The following CUX1 variants were observed in gnomAD, a reference collection of about 807,000 sequenced individuals.
CUX1 encodes the protein cut like homeobox 1, also known as protein CASP.
CUX1 carries 31 observed loss-of-function variants against 158.8 expected under a neutral mutation model. That is an observed-to-expected ratio of 0.20 (90% CI 0.15 to 0.26). The LOEUF is 0.26. CUX1 is among the 10% of genes least tolerant of loss of function. CUX1 has a pLI of 1.00. For synonymous variants in CUX1, 879 were observed against 862.1 expected (o/e 1.02, Z -0.34); for missense variants, 1,589 against 2,014.6 (o/e 0.79, Z 4.04).
intron 2 of CUX1, among the ~76,000 whole-genome samples, chr7:101,987,049 C>T (rs141142648): frequency 3.9e-5 from 6 of 152,300 alleles, no homozygotes; most frequent in South Asian, 2.1e-4. Flanking sequence ...CCTGTCCCAC[C>T]GTGCTTCCTC....
At chr7:102,238,384 A>C (rs890339191) in intron 22 of CUX1, among the ~76,000 whole-genome samples, 2 of 151,728 alleles carry the variant, frequency 1.3e-5, no homozygotes, top group African/African-American at 4.8e-5. Context: ...GAAGGCTCGC[A>C]CTCTTGTCTT....
At chr7:102,221,556 A>G (rs385417) in intron 20 of CUX1, among the ~76,000 whole-genome samples, 7 of 150,982 alleles carry the variant, frequency 4.6e-5, no homozygotes, top group South Asian at 2.1e-4. Context: ...CGGGTTTTCA[A>G]TTGGCTCCCA....
intron 2 of CUX1, among the ~76,000 whole-genome samples, chr7:101,979,107 A>G (rs1813090059): frequency 6.6e-6 from 1 of 152,192 alleles, no homozygotes. Context: ...AGAAGCAGAA[A>G]TCCTGGGCAA....
intron 11 of CUX1, among the ~76,000 whole-genome samples, chr7:102,180,356 G>A (rs1050547860): frequency 2.2e-5 from 3 of 137,142 alleles, no homozygotes; most frequent in Admixed American, 1.5e-4. Context: ...TCACTCACTG[G>A]CCCAGACTGG....
intron 20 of CUX1, among the ~76,000 whole-genome samples, chr7:102,209,623 G>T (rs1796334022): frequency 6.6e-6 from 1 of 152,012 alleles, no homozygotes; most frequent in African/African-American, 2.4e-5. Context: ...TATAAAGGGG[G>T]GTGTAGTTAT....
chr7:101,822,326 T>TA (rs1792744995), intron 1 of CUX1: 1 of 152,228 alleles, frequency 6.6e-6, no homozygotes, highest in East Asian at 1.9e-4. Context: ...TGAGGACAGC[T>TA]AAGGTTTGGT....
intron 8 of CUX1, among the ~76,000 whole-genome samples, chr7:102,124,227 C>G (rs1017691576): frequency 3.9e-5 from 6 of 152,140 alleles, no homozygotes; most frequent in Non-Finnish European, 5.9e-5. Flanking sequence ...ATGACACACC[C>G]CTTCCTGCAT....
Position 102,196,306 on chromosome 7 carries a change from G to A in CUX1, c.1223-328G>A, listed in dbSNP as rs184134326. 1.5e-3 allele frequency among the ~76,000 whole-genome samples: 222 copies of A among 152,288 alleles called. 1 individual carries two copies. Among genetic ancestry groups the A allele is most frequent in the Non-Finnish European group, 2.3e-3 (159 of 68,028 alleles). ...CCGGGGCCAGCGGGCCCAGTAAGAG[G>A]CCCGCGACCCGTCAACTCTTCCCTG... On this transcript the variant is annotated intron_variant, in intron 14 of 23. Transcript: ENST00000292535.
Position 102,000,623 on chromosome 7 carries a change from G to A in CUX1, c.142-27475G>A, listed in dbSNP as rs142032041. On this transcript the variant is annotated intron_variant, in intron 2 of 23. Transcript: ENST00000292535. ...GCACGTTGAAGCTGCAGCCCATTGT[G>A]CAGAATTGCTTAATGTGTACCTCAC... 4.9e-4 allele frequency among the ~76,000 whole-genome samples: 75 copies of A among 152,212 alleles called. 2 individuals carry two copies. The East Asian group carries it at 0.013, about 26-fold the overall frequency.
At chr7:101,856,949 C>T (rs529502789) in intron 1 of CUX1, among the ~76,000 whole-genome samples, 1 of 152,354 alleles carries the variant, frequency 6.6e-6, no homozygotes, top group Admixed American at 6.5e-5. Flanking sequence ...AGCCACGCCT[C>T]TGCTCAAGCT....
chr7:101,878,384 G>T (rs555443481), intron 1 of CUX1, among the ~76,000 whole-genome samples: 2 of 152,354 alleles, frequency 1.3e-5, no homozygotes, highest in East Asian at 3.9e-4. Context: ...GCAACAGGCT[G>T]CAGCTTAGCT....
chr7:101,991,135 C>T (rs1460466625), intron 2 of CUX1, among the ~76,000 whole-genome samples: 5 of 152,130 alleles, frequency 3.3e-5, no homozygotes, highest in African/African-American at 1.2e-4. Flanking sequence ...GGAACGCTTC[C>T]CCCGGGTGGC....
At chr7:102,004,418 AT>A (rs1817071142) in intron 2 of CUX1, among the ~76,000 whole-genome samples, 1 of 152,158 alleles carries the variant, frequency 6.6e-6, no homozygotes, top group African/African-American at 2.4e-5. Context: ...AGTGGATCAA[AT>A]CCCCCTCCTC....
chr7:101,826,851 A>G (rs1584667203), intron 1 of CUX1, among the ~76,000 whole-genome samples: 1 of 152,104 alleles, frequency 6.6e-6, no homozygotes, highest in Non-Finnish European at 1.5e-5. Flanking sequence ...TACCCACCAC[A>G]CCATCGCCAC....
chr7:102,053,692 G>GT (rs1823796030), intron 3 of CUX1, among the ~76,000 whole-genome samples: 1 of 151,342 alleles, frequency 6.6e-6, no homozygotes, highest in African/African-American at 2.4e-5. Context: ...AATATGAGAT[G>GT]TTTGTCTTTC....
At chr7:102,081,673 C>T (rs1033000591) in intron 4 of CUX1, among the ~76,000 whole-genome samples, 1 of 146,452 alleles carries the variant, frequency 6.8e-6, no homozygotes, top group African/African-American at 2.4e-5. Context: ...CTCACCATCG[C>T]CCAAGCTGGA....
intron 2 of CUX1, among the ~76,000 whole-genome samples, chr7:101,939,944 G>A (rs540885430): frequency 6.6e-6 from 1 of 152,248 alleles, no homozygotes; most frequent in South Asian, 2.1e-4. Context: ...AGCCAGGCAT[G>A]GTAGCGGGAA....
At chr7:102,276,507 G>A (rs782790496) in intron 17 of CUX1, among the ~76,000 whole-genome samples, 10 of 152,260 alleles carry the variant, frequency 6.6e-5, no homozygotes, top group Non-Finnish European at 1.5e-4. Flanking sequence ...TCTCCATATT[G>A]GCCAGGCTGG....
intron 1 of CUX1, among the ~76,000 whole-genome samples, chr7:101,856,009 G>A (rs894865867): frequency 1.3e-5 from 2 of 151,530 alleles, no homozygotes; most frequent in Admixed American, 6.6e-5. Flanking sequence ...GCAAGAACCC[G>A]TCTGTACAAA....
Sources: gnomAD v4.1 joint callset for allele counts (sites outside exome capture counted in the v4.1 genomes callset) on GRCh38, gnomAD v4.1.1 for gene constraint, MANE v1.5 for transcripts, NCBI Gene and HGNC (gene_info 2026-07-23, HGNC 2026-07-21) for gene names.